GABBR2: variants seen among roughly 807,000 people sequenced by gnomAD.
The protein encoded by GABBR2 is G-protein coupled receptor 51.
A neutral mutation model predicts 105.6 loss-of-function variants in GABBR2; 23 were observed. That is an observed-to-expected ratio of 0.22 (90% CI 0.16 to 0.31). GABBR2 has a LOEUF of 0.31. GABBR2 is among the 10% of genes least tolerant of loss of function. The pLI, the probability that GABBR2 is intolerant of heterozygous loss-of-function variation, is 1.00. For missense variants in GABBR2, 734 were observed against 1,245.5 expected (o/e 0.59, Z 6.18); for synonymous variants, 478 against 499.7 (o/e 0.96, Z 0.58).
At chr9:98,486,198 C>T (rs995961141) in intron 4 of GABBR2, among the ~76,000 whole-genome samples, 10 of 152,164 alleles carry the variant, frequency 6.6e-5, no homozygotes, top group South Asian at 2.1e-4. Flanking sequence ...GGCCTTGCCC[C>T]GGGTGGGTGT....
chr9:98,327,204 A>G (rs1830938694), intron 13 of GABBR2, among the ~76,000 whole-genome samples: 1 of 152,216 alleles, frequency 6.6e-6, no homozygotes, highest in African/African-American at 2.4e-5. Flanking sequence ...AATGGAAAGA[A>G]AACATGGAAA....
intron 7 of GABBR2, among the ~76,000 whole-genome samples, chr9:98,422,854 A>T (rs35548301): frequency 0.29 from 42,861 of 149,250 alleles, 6,997 homozygotes; most frequent in East Asian, 0.52. Context: ...GAGTGAGAAC[A>T]TGCGGTGTTT....
chr9:98,302,144 C>A (rs1192886209), intron 16 of GABBR2, among the ~76,000 whole-genome samples: 3 of 152,232 alleles, frequency 2.0e-5, no homozygotes, highest in Non-Finnish European at 2.9e-5. Context: ...TGTCTCACTT[C>A]TTCCTTGCAG....
intron 1 of GABBR2, among the ~76,000 whole-genome samples, chr9:98,600,810 C>T (rs1178817870): frequency 6.6e-6 from 1 of 152,246 alleles, no homozygotes; most frequent in Admixed American, 6.5e-5. Flanking sequence ...CTCTGCACCG[C>T]ACCGCCACAT....
intron 3 of GABBR2, among the ~76,000 whole-genome samples, chr9:98,512,759 TACAA>T (rs1279245221): frequency 2.6e-5 from 4 of 152,040 alleles, no homozygotes; most frequent in Non-Finnish European, 1.5e-5. Context: ...TAAAACAGGA[TACAA>T]ACAAATGGAA....
intron 13 of GABBR2, among the ~76,000 whole-genome samples, chr9:98,327,409 C>T (rs1830942522): frequency 6.6e-6 from 1 of 152,036 alleles, no homozygotes; most frequent in African/African-American, 2.4e-5. Context: ...TTCCTGAATT[C>T]AACTCCTTAG....
At chr9:98,314,593 G>C (rs970939995) in intron 13 of GABBR2, among the ~76,000 whole-genome samples, 5 of 152,150 alleles carry the variant, frequency 3.3e-5, no homozygotes, top group African/African-American at 1.2e-4. Flanking sequence ...GTGGCAGGGA[G>C]CCCCTCCCTC....
At chr9:98,504,995 G>T (rs556777491) in intron 3 of GABBR2, among the ~76,000 whole-genome samples, 4 of 152,368 alleles carry the variant, frequency 2.6e-5, no homozygotes, top group African/African-American at 9.6e-5. Context: ...TCATGTAGAG[G>T]GGGGGCACCA....
At chr9:98,483,249 C>T (rs1045329306) in intron 4 of GABBR2, among the ~76,000 whole-genome samples, 1 of 152,190 alleles carries the variant, frequency 6.6e-6, no homozygotes, top group South Asian at 2.1e-4. Flanking sequence ...TTGGTTCTGT[C>T]TGCTCACAAC....
intron 6 of GABBR2, among the ~76,000 whole-genome samples, chr9:98,455,203 T>C (rs368611456): frequency 2.6e-5 from 4 of 152,226 alleles, no homozygotes; most frequent in African/African-American, 9.6e-5. Context: ...GGAATTTCAT[T>C]GGTGATATTA....
At chr9:98,612,671 A>T (rs1889059) in intron 1 of GABBR2, among the ~76,000 whole-genome samples, 13,112 of 152,290 alleles carry the variant, frequency 0.086, 1,179 homozygotes, top group East Asian at 0.46. Context: ...TAGCTGAAAT[A>T]CAAAAATAGA....
At chr9:98,343,547 C>T (rs1831250422) in intron 13 of GABBR2, among the ~76,000 whole-genome samples, 1 of 152,128 alleles carries the variant, frequency 6.6e-6, no homozygotes, top group Non-Finnish European at 1.5e-5. Flanking sequence ...AAAATTATCT[C>T]AAATTATTTT....
chr9:98,490,026 G>T (rs1045888850), intron 4 of GABBR2, among the ~76,000 whole-genome samples: 3 of 152,190 alleles, frequency 2.0e-5, no homozygotes, highest in African/African-American at 7.2e-5. Flanking sequence ...CCAGGAAGTG[G>T]AGGTTGCAGT....
chr9:98,522,126 G>A (rs536074588), intron 3 of GABBR2, among the ~76,000 whole-genome samples: 70 of 142,364 alleles, frequency 4.9e-4, no homozygotes, highest in African/African-American at 1.7e-3. Flanking sequence ...GAAGCAACAA[G>A]GAGCAGAATT....
rs577765823 is a variant in GABBR2, at chr9:98,545,792, G to A, written c.460-3749C>T. 2.6e-4 allele frequency among the ~76,000 whole-genome samples: 39 copies of A among 152,244 alleles called. No individual in the cohort carries two copies. The South Asian group carries it at 6.4e-3, about 25-fold the overall frequency. ...GTCTATAGGACCCTAACACTAGTGC[G>A]CTTTCTCCCATGGATGACTATCTAC... On this transcript the variant is annotated intron_variant, in intron 2 of 18. Coordinates refer to ENST00000259455, the MANE Select transcript of GABBR2 (RefSeq NM_005458.8).
At chr9:98,496,602 G>T in intron 3 of GABBR2, 88 bp from the exon 4 acceptor site, 1 of 816,318 alleles carries the variant, frequency 1.2e-6, no homozygotes. Flanking sequence ...AAGTCAATTG[G>T]GCAAAGCGAT....
At chr9:98,484,504 G>A (rs551169283) in intron 4 of GABBR2, among the ~76,000 whole-genome samples, 1 of 152,268 alleles carries the variant, frequency 6.6e-6, no homozygotes, top group Non-Finnish European at 1.5e-5. Flanking sequence ...GGGGAAAGAC[G>A]CTGCCAAGTC....
At chr9:98,395,450 T>C (rs1057309943) in intron 8 of GABBR2, among the ~76,000 whole-genome samples, 5 of 151,200 alleles carry the variant, frequency 3.3e-5, no homozygotes, top group Admixed American at 6.6e-5. Context: ...GCATGGAAGA[T>C]GGGAATCGGA....
intron 1 of GABBR2, among the ~76,000 whole-genome samples, chr9:98,703,221 A>G (rs1425177393): frequency 1.3e-5 from 2 of 152,238 alleles, no homozygotes; most frequent in East Asian, 3.8e-4. Flanking sequence ...TGAAGCCAAC[A>G]CAGAAGAAAT....
Sources: gnomAD v4.1 joint callset for allele counts (sites outside exome capture counted in the v4.1 genomes callset) on GRCh38, gnomAD v4.1.1 for gene constraint, MANE v1.5 for transcripts, NCBI Gene and HGNC (gene_info 2026-07-23, HGNC 2026-07-21) for gene names.